Variants in MYO1B observed in about 807,000 individuals in gnomAD.
MYO1B encodes the protein myosin IB, also known as unconventional myosin-Ib.
A neutral mutation model predicts 159.7 loss-of-function variants in MYO1B; 72 were observed. The observed-to-expected ratio is 0.45, with a 90% CI of 0.37 to 0.55. The LOEUF (loss-of-function observed/expected upper bound fraction) is 0.55, where lower values mean the gene tolerates loss of function less well. Among genes scored for constraint, MYO1B ranks in the 20% least tolerant of loss-of-function variants. MYO1B has a pLI of 0.00. For synonymous variants in MYO1B, 468 were observed against 473.8 expected (o/e 0.99, Z 0.16); for missense variants, 1,062 against 1,364.8 (o/e 0.78, Z 3.50).
intron 1 of MYO1B, among the ~76,000 whole-genome samples, chr2:191,247,610 A>G (rs781526438): frequency 2.0e-5 from 3 of 152,240 alleles, no homozygotes; most frequent in Non-Finnish European, 2.9e-5. Context: ...ACGTTGTGCT[A>G]GGGCAGCTAA....
At chr2:191,368,872 G>T (rs1302543094) in intron 11 of MYO1B, among the ~76,000 whole-genome samples, 1 of 152,100 alleles carries the variant, frequency 6.6e-6, no homozygotes, top group African/African-American at 2.4e-5. Flanking sequence ...CACTCGGGAG[G>T]CTGAGGCACG....
At chr2:191,353,766 A>G (rs1209947611) in intron 7 of MYO1B, among the ~76,000 whole-genome samples, 1 of 152,230 alleles carries the variant, frequency 6.6e-6, no homozygotes, top group Admixed American at 6.5e-5. Flanking sequence ...CTGATTGCAT[A>G]GGTTGTCCTG....
intron 3 of MYO1B, among the ~76,000 whole-genome samples, chr2:191,315,551 G>T (rs1396507511): frequency 6.6e-6 from 1 of 152,104 alleles, no homozygotes; most frequent in African/African-American, 2.4e-5. Context: ...TCATTTCCTG[G>T]TAGTCAAAGC....
chr2:191,324,507 C>T (rs1690928856), intron 3 of MYO1B, among the ~76,000 whole-genome samples: 1 of 152,144 alleles, frequency 6.6e-6, no homozygotes, highest in Non-Finnish European at 1.5e-5. Context: ...TAGAAACCTT[C>T]CAACCATTTA....
At chr2:191,297,563 A>AC (rs1283577823) in intron 3 of MYO1B, among the ~76,000 whole-genome samples, 4 of 152,232 alleles carry the variant, frequency 2.6e-5, no homozygotes, top group Non-Finnish European at 4.4e-5. Flanking sequence ...ATATGCTGAA[A>AC]ACAACCCCAA....
chr2:191,387,352 G>A lies in MYO1B; in HGVS notation c.1683G>A (p.Lys561=), dbSNP rs10183463. 19,312 of 1,614,018 alleles carry A rather than the reference G, an allele frequency of 0.012. 1,893 individuals carry two copies. The African/African-American group carries it at 0.22, about 18-fold the overall frequency. The part of the protein sequence containing the change: ...KSLFPEGNPA[K]INLKRPPTAG... ...TGTTCCCCGAAGGGAATCCCGCCAA[G>A]ATCAACCTGAAAAGGCCTCCTACAG... The change falls in exon 17 of 31, where the codon AAG becomes AAA. Residue 561 remains lysine, a synonymous_variant. Coordinates refer to ENST00000392318, the MANE Select transcript of MYO1B (RefSeq NM_001130158.3).
chr2:191,354,226 AG>A (rs1295873300), intron 7 of MYO1B, among the ~76,000 whole-genome samples: 1 of 151,400 alleles, frequency 6.6e-6, no homozygotes, highest in Non-Finnish European at 1.5e-5. Context: ...ACTGCATTCC[AG>A]CCTGGGTGAT....
chr2:191,253,035 T>C (rs923812211), intron 1 of MYO1B, among the ~76,000 whole-genome samples: 2 of 151,704 alleles, frequency 1.3e-5, no homozygotes, highest in Non-Finnish European at 2.9e-5. Context: ...CCAAAGTGAG[T>C]TGTTCCATAA....
chr2:191,390,383 G>A lies in MYO1B; in HGVS notation c.1873G>A (p.Val625Ile), dbSNP rs753030588. 9 of 1,614,154 alleles carry A rather than the reference G, an allele frequency of 5.6e-6. No individual in the cohort carries two copies. Among genetic ancestry groups the A allele is most frequent in the Middle Eastern group, 1.6e-4 (1 of 6,084 alleles). Residue 625 changes from valine to isoleucine, a missense_variant, in exon 18 of 31, where the codon GTC becomes ATC. By Grantham distance (29) the Val-to-Ile change is conservative (BLOSUM62 3). Around this residue, in one of 5 missense-constraint regions of MYO1B, gnomAD observed 609 missense variants for 744.4 expected, o/e 0.82. Transcript: ENST00000392318. Reference protein sequence around the residue: ...QIRYLGLLENVRVRRAGYAFR... With the variant: ...QIRYLGLLENIRVRRAGYAFR... ...CAGGTACCTGGGGCTTTTGGAGAACGTCCGAGTGCGGAGGGCAGGCTACGC... is the reference window on the plus strand; with the variant it reads ...CAGGTACCTGGGGCTTTTGGAGAACATCCGAGTGCGGAGGGCAGGCTACGC...
In MYO1B at chr2:191,329,926, C is replaced by A. The variant is rs778186841; in HGVS notation, c.252-9C>A. ...AGTCTAAGGAATTTTTTTCCATTAT[C>A]CCCTGCAGCTTTGCCCTTTCGGATG... On this transcript the variant is annotated splice_polypyrimidine_tract_variant and intron_variant, in intron 3 of 30. Transcript: ENST00000392318. 3.8e-5 allele frequency: 61 copies of A among 1,605,794 alleles called. No homozygotes were observed. The East Asian group carries it at 1.4e-3, about 36-fold the overall frequency.
In MYO1B at chr2:191,346,319, A is replaced by G. The variant is rs1481745982; in HGVS notation, c.498+37A>G. 4 of 1,411,070 alleles carry G rather than the reference A, an allele frequency of 2.8e-6. No individual in the cohort carries two copies. The South Asian group carries it at 4.3e-5, about 15-fold the overall frequency. The allele number at this position is 1,411,070 out of a possible 1,614,324, so 87.4% of individuals were successfully genotyped here. A position where few individuals can be genotyped will look rare whatever the true frequency, so the allele number is the denominator to read the frequency against. ...TATAAGCATAAGTGTTAACACTAAT[A>G]TTTAGCTCATGTATGTTTAAACAAC... On this transcript the variant is annotated intron_variant, in intron 6 of 30. Transcript: ENST00000392318.
Position 191,248,121 on chromosome 2 carries a change from A to G in MYO1B, c.-10+2495A>G, listed in dbSNP as rs112723623. 1,214 of 623,110 alleles carry G rather than the reference A, an allele frequency of 1.9e-3. 12 individuals are homozygous for G. The African/African-American group carries it at 0.023, about 12-fold the overall frequency. 38.6% of individuals were successfully genotyped at this position (623,110 alleles called of 1,614,324 possible). Reference sequence around the variant, plus strand: ...TTCTACCTCCCTTCTACTGTTTTCAATAGCTGAACATTTGGATTTTAATTA... The same window carrying G: ...TTCTACCTCCCTTCTACTGTTTTCAGTAGCTGAACATTTGGATTTTAATTA... On this transcript the variant is annotated intron_variant, in intron 1 of 30. Coordinates refer to ENST00000392318, the MANE Select transcript of MYO1B (RefSeq NM_001130158.3).
chr2:191,414,118 G>T lies in MYO1B; in HGVS notation c.2944G>T (p.Ala982Ser), dbSNP rs146459796. 2.8e-4 allele frequency: 455 copies of T among 1,613,198 alleles called. 1 individual carries two copies. In the African/African-American group the frequency reaches 5.6e-3, roughly 20 times the overall value. The stretch of plus-strand genomic sequence containing the variant: ...CCCCAAGTATAAGAAACTCAAAGAT[G>T]CCATTGAAGAAAAGATCATCATTGC... ...KNPKYKKLKD[A>S]IEEKIIIAEV... is the part of the protein sequence containing the mutation. Residue 982 changes from alanine (A) to serine (S), a missense_variant, in exon 28 of 31, where the codon GCC (alanine) becomes TCC (serine). Coordinates refer to ENST00000392318, the MANE Select transcript of MYO1B (RefSeq NM_001130158.3).
chr2:191,372,049 A>G (rs796408067), intron 13 of MYO1B, among the ~76,000 whole-genome samples: 19 of 152,386 alleles, frequency 1.2e-4, no homozygotes, highest in African/African-American at 4.1e-4. Context: ...CTAAATGGGC[A>G]GAATGCCAAA....
chr2:191,416,340 T>C, intron 30 of MYO1B, 98 bp downstream of exon 30: 1 of 1,407,924 alleles, frequency 7.1e-7, no homozygotes, highest in Non-Finnish European at 1.0e-6. Context: ...ACTTATTAAG[T>C]ACCAGGTATG....
At chr2:191,272,367 A>T (rs1244014794) in intron 1 of MYO1B, among the ~76,000 whole-genome samples, 1 of 152,232 alleles carries the variant, frequency 6.6e-6, no homozygotes, top group Admixed American at 6.5e-5. Flanking sequence ...AAACTAGAAC[A>T]TGGTCTGATA....
chr2:191,289,627 GCAAA>G (rs971843248), intron 2 of MYO1B, among the ~76,000 whole-genome samples: 2 of 152,086 alleles, frequency 1.3e-5, no homozygotes, highest in Admixed American at 1.3e-4. Context: ...TTAGAGCCCA[GCAAA>G]CAGAGGCTTT....
At chr2:191,251,560 C>A (rs554970849) in intron 1 of MYO1B, among the ~76,000 whole-genome samples, 1 of 152,292 alleles carries the variant, frequency 6.6e-6, no homozygotes, top group South Asian at 2.1e-4. Context: ...GACTTTCAGT[C>A]CAATTCTTCC....
intron 26 of MYO1B, among the ~76,000 whole-genome samples, chr2:191,409,685 A>G (rs955664314): frequency 3.9e-5 from 6 of 152,176 alleles, no homozygotes; most frequent in African/African-American, 9.6e-5. Flanking sequence ...CACATTCTCT[A>G]TCTAAATTAC....
Sources: gnomAD v4.1 joint callset for allele counts (sites outside exome capture counted in the v4.1 genomes callset) on GRCh38, gnomAD v4.1.1 for gene constraint, gnomAD v4.1.1 regional missense constraint, MANE v1.5 for transcripts, NCBI Gene and HGNC (gene_info 2026-07-23, HGNC 2026-07-21) for gene names.